The following TCEA3 variants were observed in gnomAD, a reference collection of about 807,000 sequenced individuals.
The protein encoded by TCEA3 is transcription elongation factor A3.
TCEA3 carries 36 observed loss-of-function variants against 44.0 expected under a neutral mutation model. The ratio of observed to expected loss-of-function variants is 0.82; its 90% CI spans 0.63 to 1.08. The LOEUF is 1.08. Among genes scored for constraint, TCEA3 ranks in the 50% least tolerant of loss-of-function variants. The probability of loss-of-function intolerance (pLI) is 0.00; values close to 1 mark genes in which losing one functional copy is unlikely to be tolerated. For missense variants in TCEA3, 392 were observed against 441.2 expected (o/e 0.89, Z 1.00); for synonymous variants, 162 against 159.7 (o/e 1.01, Z -0.11).
At chr1:23,408,874 C>T in intron 4 of TCEA3, 148 bp from the exon 5 acceptor site, 1 of 676,692 alleles carries the variant, frequency 1.5e-6, no homozygotes, top group Non-Finnish European at 2.5e-6. Flanking sequence ...AGAGGGAGCT[C>T]CAGGCGGTGC....
At chr1:23,399,668 C>A (rs948386321) in intron 5 of TCEA3, among the ~76,000 whole-genome samples, 1 of 150,054 alleles carries the variant, frequency 6.7e-6, no homozygotes, top group Non-Finnish European at 1.5e-5. Flanking sequence ...ATGTGAGAAA[C>A]CTTTTTTTTT....
At chr1:23,391,894 G>A (rs1310522292) in intron 8 of TCEA3, among the ~76,000 whole-genome samples, 2 of 152,054 alleles carry the variant, frequency 1.3e-5, no homozygotes, top group African/African-American at 4.8e-5. Flanking sequence ...CTACACTCCA[G>A]CCTGGGCAAA....
rs761683791 is a variant in TCEA3 at position 23,393,953 on chromosome 1, TG to T, written c.744del (p.Arg249GlyfsTer19). 5 of 1,614,024 alleles carry T rather than the reference TG, an allele frequency of 3.1e-6. No homozygotes were observed. The East Asian group carries it at 1.1e-4, about 36-fold the overall frequency. On this transcript the variant is annotated frameshift_variant, in exon 8 of 11. Coordinates refer to ENST00000450454, the MANE Select transcript of TCEA3 (RefSeq NM_003196.3). LOFTEE classifies it high-confidence loss of function. ...ACGTTCCGCCGCAGGCCGGGGTTCCTGGGGTCCTTGAGGTTGCTTATGCGGC... is the reference window on the plus strand; with the variant it reads ...ACGTTCCGCCGCAGGCCGGGGTTCCTGGGTCCTTGAGGTTGCTTATGCGGC... ...VRSRISNLKD[P>X]RNPGLRRNVL...
Position 23,417,261 on chromosome 1 carries a change from T to A in TCEA3, c.368A>T (p.Asp123Val). 1 of 1,613,720 alleles carries A rather than the reference T, an allele frequency of 6.2e-7. No individual in the cohort carries two copies. Among genetic ancestry groups the A allele is most frequent in the South Asian group, 1.1e-5 (1 of 91,042 alleles). The change falls in exon 4 of 11, where the codon GAC (aspartate) becomes GTC (valine). Residue 123 changes from aspartate to valine, a missense_variant. Asp to Val is a radical substitution (Grantham distance 152, BLOSUM62 -3). Transcript: ENST00000450454. ...CAAAAAAGAATACCTGGTTTTGGGG[T>A]CTTCTCGTTTTTTCCTTGGTGGAGA... is the stretch of plus-strand genomic sequence containing the variant. ...GLSPPRKKRE[D>V]PKTRRDSVDS...
At chr1:23,422,937 C>T (rs1266271145) in intron 1 of TCEA3, among the ~76,000 whole-genome samples, 1 of 152,206 alleles carries the variant, frequency 6.6e-6, no homozygotes, top group Non-Finnish European at 1.5e-5. Context: ...CTCTAGGCGT[C>T]CCCACCCTAC....
At chr1:23,421,406 C>T (rs10917379) in intron 1 of TCEA3, among the ~76,000 whole-genome samples, 23 of 152,252 alleles carry the variant, frequency 1.5e-4, no homozygotes, top group African/African-American at 5.5e-4. Flanking sequence ...ATTGTGTTAG[C>T]ATGGGCGCAG....
chr1:23,402,269 G>T (rs538214606), intron 5 of TCEA3, among the ~76,000 whole-genome samples: 1 of 152,198 alleles, frequency 6.6e-6, no homozygotes, highest in Non-Finnish European at 1.5e-5. Context: ...GAACCCGGGA[G>T]GTGGAGGCTG....
At chr1:23,412,640 G>A (rs1358602328) in intron 4 of TCEA3, among the ~76,000 whole-genome samples, 1 of 151,982 alleles carries the variant, frequency 6.6e-6, no homozygotes, top group African/African-American at 2.4e-5. Context: ...CCTGGGAGGC[G>A]GAGGTTGCTG....
At chr1:23,401,546 C>T (rs572165726) in intron 5 of TCEA3, among the ~76,000 whole-genome samples, 23 of 152,060 alleles carry the variant, frequency 1.5e-4, no homozygotes, top group Non-Finnish European at 1.9e-4. Context: ...GGCGTGAACT[C>T]GCGGGGCTGT....
At chr1:23,404,756 CG>C (rs2148567782) in intron 5 of TCEA3, among the ~76,000 whole-genome samples, 1 of 151,436 alleles carries the variant, frequency 6.6e-6, no homozygotes, top group South Asian at 2.1e-4. Flanking sequence ...CCCAGGAGTT[CG>C]AGACCAGCCT....
chr1:23,389,136 G>A (rs1336964456), intron 8 of TCEA3, among the ~76,000 whole-genome samples: 1 of 152,208 alleles, frequency 6.6e-6, no homozygotes, highest in Non-Finnish European at 1.5e-5. Context: ...TGAGTAAAAA[G>A]TAGCTGACTT....
At chr1:23,389,953 C>G (rs567768239) in intron 8 of TCEA3, among the ~76,000 whole-genome samples, 2 of 152,182 alleles carry the variant, frequency 1.3e-5, no homozygotes, top group Non-Finnish European at 2.9e-5. Context: ...AGATCTGGTT[C>G]CTCCTCCCAA....
chr1:23,383,823 C>T (rs1444484879), intron 10 of TCEA3: 1 of 986,374 alleles, frequency 1.0e-6, no homozygotes, highest in African/African-American at 1.7e-5. Flanking sequence ...TCTGCCTTTG[C>T]AGGAGCTGGG....
chr1:23,391,473 T>C (rs1234797341), intron 8 of TCEA3, among the ~76,000 whole-genome samples: 1 of 152,096 alleles, frequency 6.6e-6, no homozygotes, highest in African/African-American at 2.4e-5. Context: ...GGCAGAGCTC[T>C]GGTGCAGGGG....
intron 1 of TCEA3, chr1:23,423,897 G>A (rs1202226494): frequency 4.4e-6 from 2 of 455,214 alleles, no homozygotes; most frequent in South Asian, 1.6e-5. Context: ...CCTCGCCCTC[G>A]CTGCACAGGC....
chr1:23,395,874 G>A (rs1639201922), intron 7 of TCEA3, among the ~76,000 whole-genome samples: 1 of 151,892 alleles, frequency 6.6e-6, no homozygotes, highest in Admixed American at 6.6e-5. Context: ...GGAAAGGCTG[G>A]GAGTGGAACT....
At chr1:23,419,435 A>C in intron 1 of TCEA3, 1 of 298,532 alleles carries the variant, frequency 3.3e-6, no homozygotes. Flanking sequence ...TTTCCTCCCA[A>C]ATGAATTCCT....
chr1:23,383,242 T>G (rs1638722181), intron 10 of TCEA3, among the ~76,000 whole-genome samples: 1 of 142,892 alleles, frequency 7.0e-6, no homozygotes. Flanking sequence ...ATCACACCAC[T>G]GCACTCCAGC....
intron 5 of TCEA3, 169 bp downstream of exon 5, chr1:23,408,495 G>A (rs937963145): frequency 1.6e-6 from 1 of 620,738 alleles, no homozygotes; most frequent in Admixed American, 3.1e-5. Flanking sequence ...GGGTCCCCCA[G>A]GGCTGAAATG....
Sources: allele counts gnomAD v4.1 joint callset (sites outside exome capture counted in the v4.1 genomes callset), GRCh38; gene constraint gnomAD v4.1.1; transcripts MANE v1.5; gene names NCBI Gene and HGNC (gene_info 2026-07-23, HGNC 2026-07-21).